The following MCTP1 variants were observed in gnomAD, a reference collection of about 807,000 sequenced individuals.
The protein encoded by MCTP1 is multiple C2 and transmembrane domain containing 1, also known as multiple C2 and transmembrane domain-containing protein 1.
MCTP1 carries 69 observed loss-of-function variants against 120.6 expected under a neutral mutation model. That is an observed-to-expected ratio of 0.57 (90% CI 0.47 to 0.70). The LOEUF (loss-of-function observed/expected upper bound fraction) is 0.70. Ranked by LOEUF, MCTP1 falls within the 30% of genes least tolerant of loss-of-function variation. The pLI is 0.00. For synonymous variants in MCTP1, 529 were observed against 493.1 expected (o/e 1.07, Z -0.96); for missense variants, 1,203 against 1,248.8 (o/e 0.96, Z 0.55).
chr5:95,158,935 C>G (rs746243465), intron 1 of MCTP1, among the ~76,000 whole-genome samples: 8 of 151,962 alleles, frequency 5.3e-5, no homozygotes, highest in Non-Finnish European at 1.0e-4. Context: ...TAATAAAAAG[C>G]AAATTTATTT....
rs34390357 is a variant in MCTP1 at position 94,873,876 on chromosome 5, ATT to A, written c.1934-637_1934-636del. On this transcript the variant is annotated intron_variant, in intron 12 of 22. Transcript: ENST00000515393. ...ACCAATATGCATGTTAAAGAGCAGTATTTTTTTTTTTTCTATTCACTGAAAAT... is the reference window on the plus strand; with the variant it reads ...ACCAATATGCATGTTAAAGAGCAGTATTTTTTTTTTCTATTCACTGAAAAT... 1.1e-3 allele frequency among the ~76,000 whole-genome samples: 157 copies of A among 146,954 alleles called. 1 individual carries two copies. The highest frequency in any genetic ancestry group is 2.2e-3 in the African/African-American group (88 of 40,410).
chr5:94,943,954 A>T (rs1233457836), intron 3 of MCTP1, among the ~76,000 whole-genome samples: 1 of 152,104 alleles, frequency 6.6e-6, no homozygotes, highest in Non-Finnish European at 1.5e-5. Flanking sequence ...CATGAAGCTG[A>T]ATCAACAGCC....
intron 3 of MCTP1, among the ~76,000 whole-genome samples, chr5:94,950,265 A>C (rs561103609): frequency 4.0e-4 from 61 of 152,284 alleles, no homozygotes; most frequent in Non-Finnish European, 7.4e-4. Context: ...AAAAGTGACA[A>C]TGTAAAAATG....
chr5:94,888,931 A>G lies in MCTP1; in HGVS notation c.1881T>C (p.Phe627=). The G allele has an allele frequency of 6.2e-7, 1 of 1,614,004 alleles. No individual in the cohort carries two copies. The highest frequency in any genetic ancestry group is 2.2e-5 in the East Asian group (1 of 44,874). ...RIFHNLKDVG[F]LQVKVIRAEG... ...CCGCTCTGATGACTTTCACCTGGAG[A>G]AATCCCACATCTTTCAGGTTGTGAA... is the stretch of plus-strand genomic sequence containing the variant. The change falls in exon 12 of 23, where the codon TTT becomes TTC. Residue 627 remains phenylalanine (F), a synonymous_variant. Coordinates refer to ENST00000515393, the MANE Select transcript of MCTP1 (RefSeq NM_024717.7).
intron 1 of MCTP1, among the ~76,000 whole-genome samples, chr5:95,080,940 A>C (rs1283936037): frequency 6.6e-6 from 1 of 152,226 alleles, no homozygotes; most frequent in Admixed American, 6.5e-5. Context: ...AGAGGCTTTC[A>C]CTAATTTTCC....
Position 94,707,334 on chromosome 5 carries a change from A to G in MCTP1, c.*162T>C. The G allele has an allele frequency of 1.7e-6, 1 of 594,100 alleles. No individual in the cohort carries two copies. Among genetic ancestry groups the G allele is most frequent in the Non-Finnish European group, 3.0e-6 (1 of 335,378 alleles). 36.8% of individuals were successfully genotyped at this position (594,100 alleles called of 1,614,324 possible). ...TTGAGTCTGTACAATAGAAGTATATATTCAAAGACATATGCCTTTGTACAC... is the reference window on the plus strand; with the variant it reads ...TTGAGTCTGTACAATAGAAGTATATGTTCAAAGACATATGCCTTTGTACAC... On this transcript the variant is annotated 3_prime_UTR_variant, in exon 23 of 23. Coordinates refer to ENST00000515393, the MANE Select transcript of MCTP1 (RefSeq NM_024717.7).
chr5:95,270,406 A>T (rs1012318771), intron 1 of MCTP1, among the ~76,000 whole-genome samples: 2 of 152,252 alleles, frequency 1.3e-5, no homozygotes, highest in Admixed American at 1.3e-4. Context: ...GTTAATATAT[A>T]TACAACACTT....
intron 2 of MCTP1, among the ~76,000 whole-genome samples, chr5:94,962,439 AT>A (rs1355216815): frequency 6.7e-6 from 1 of 149,990 alleles, no homozygotes; most frequent in East Asian, 1.9e-4. Flanking sequence ...TGATATATAT[AT>A]ATCATATATT....
At chr5:95,170,112 CT>C (rs1487632100) in intron 1 of MCTP1, among the ~76,000 whole-genome samples, 1 of 152,156 alleles carries the variant, frequency 6.6e-6, no homozygotes, top group Non-Finnish European at 1.5e-5. Context: ...TATGTTGTGT[CT>C]TTGTTCTCAT....
chr5:94,849,843 G>T (rs917050867), intron 17 of MCTP1, among the ~76,000 whole-genome samples: 1 of 152,130 alleles, frequency 6.6e-6, no homozygotes, highest in African/African-American at 2.4e-5. Flanking sequence ...GCAAAAAAAA[G>T]AAGGAAATTC....
rs552236604 is a variant in MCTP1, at chr5:95,169,365, G to C, written c.720+114491C>G. Among the ~76,000 whole-genome samples, 33 of 152,120 alleles carry C rather than the reference G, an allele frequency of 2.2e-4. No individual in the cohort carries two copies. In the South Asian group the frequency reaches 6.9e-3, roughly 32 times the overall value. On this transcript the variant is annotated intron_variant, in intron 1 of 22. Transcript: ENST00000515393. ...TATTGGTCTATAATTCTCTTTTTTT[G>C]TGGTGTTTATGCCAGGCTTTGGTAT...
At chr5:94,955,352 C>T (rs1316700998) in intron 2 of MCTP1, among the ~76,000 whole-genome samples, 1 of 152,200 alleles carries the variant, frequency 6.6e-6, no homozygotes, top group Admixed American at 6.5e-5. Flanking sequence ...TTTGGGCAGA[C>T]ACTGAGCTAG....
intron 10 of MCTP1, among the ~76,000 whole-genome samples, chr5:94,903,559 C>T (rs1157845579): frequency 6.6e-6 from 1 of 152,154 alleles, no homozygotes; most frequent in African/African-American, 2.4e-5. Flanking sequence ...TCACCCAGAA[C>T]TTACCAATTC....
chr5:95,229,503 C>T (rs1754670368), intron 1 of MCTP1, among the ~76,000 whole-genome samples: 1 of 152,048 alleles, frequency 6.6e-6, no homozygotes, highest in Admixed American at 6.6e-5. Context: ...GCCTGTAATC[C>T]CAGCACTTTG....
At chr5:95,267,637 A>G (rs17084560) in intron 1 of MCTP1, among the ~76,000 whole-genome samples, 3,937 of 152,346 alleles carry the variant, frequency 0.026, 184 homozygotes, top group African/African-American at 0.09. Flanking sequence ...TGTGAGTACA[A>G]TGTGGTTCCA....
intron 17 of MCTP1, among the ~76,000 whole-genome samples, chr5:94,862,746 C>G (rs1027043835): frequency 5.3e-5 from 8 of 151,700 alleles, no homozygotes; most frequent in African/African-American, 1.9e-4. Flanking sequence ...ACCTAATTTA[C>G]AATTTTTCAT....
rs888404535 is a variant in MCTP1 at position 95,278,913 on chromosome 5, G to A, written c.720+4943C>T. Among the ~76,000 whole-genome samples the A allele has an allele frequency of 2.0e-5, 3 of 149,276 alleles. No individual in the cohort carries two copies. In the Admixed American group the frequency reaches 2.0e-4, roughly 10 times the overall value. On this transcript the variant is annotated intron_variant, in intron 1 of 22. Coordinates refer to ENST00000515393, the MANE Select transcript of MCTP1 (RefSeq NM_024717.7). ...GGAAGCAGAGGTTGCGGTGAGCCAA[G>A]ATTGCACCATTGCACTCCAGCCTGG...
chr5:94,721,084 C>A (rs1028688136), intron 19 of MCTP1, among the ~76,000 whole-genome samples: 10 of 152,230 alleles, frequency 6.6e-5, no homozygotes, highest in African/African-American at 2.4e-4. Context: ...ACAAAGAATT[C>A]CTTTGAGATA....
At chr5:94,969,673 T>C (rs1031669338) in intron 2 of MCTP1, among the ~76,000 whole-genome samples, 40 of 152,142 alleles carry the variant, frequency 2.6e-4, no homozygotes, top group Non-Finnish European at 1.5e-5. Context: ...AAATTTAAGC[T>C]GGATCTTTCT....
Sources: allele counts gnomAD v4.1 joint callset (sites outside exome capture counted in the v4.1 genomes callset), GRCh38; gene constraint gnomAD v4.1.1; transcripts MANE v1.5; gene names NCBI Gene and HGNC (gene_info 2026-07-23, HGNC 2026-07-21).